CERS4: variants seen among roughly 807,000 people sequenced by gnomAD.
The protein encoded by CERS4 is ceramide synthase 4.
CERS4 carries 65 observed loss-of-function variants against 51.8 expected under a neutral mutation model. The observed-to-expected ratio is 1.26, with a 90% CI of 1.03 to 1.54. CERS4 has a LOEUF of 1.54. Ranked by LOEUF, CERS4 falls within the 40% of genes most tolerant of loss-of-function variation. CERS4 has a pLI of 0.00. For synonymous variants in CERS4, 228 were observed against 208.4 expected (o/e 1.09, Z -0.81); for missense variants, 563 against 500.4 (o/e 1.13, Z -1.19).
chr19:8,232,464 G>C (rs1489025274), intron 2 of CERS4, among the ~76,000 whole-genome samples: 2 of 151,634 alleles, frequency 1.3e-5, no homozygotes, highest in African/African-American at 2.4e-5. Context: ...CAATTTTTTT[G>C]TATTTTTAGT....
chr19:8,258,425 C>G (rs36251), intron 10 of CERS4, among the ~76,000 whole-genome samples: 91,948 of 152,042 alleles, frequency 0.6, 29,053 homozygotes, highest in African/African-American at 0.77. Flanking sequence ...ATAAATTTGA[C>G]GGGCCGGGCG....
intron 2 of CERS4, chr19:8,250,850 G>A (rs967658476): frequency 1.5e-6 from 2 of 1,336,302 alleles, no homozygotes; most frequent in Admixed American, 3.6e-5. Flanking sequence ...CACTGACCAG[G>A]CAATGGAGTG....
chr19:8,237,070 C>A (rs1192386215), intron 2 of CERS4, among the ~76,000 whole-genome samples: 1 of 148,062 alleles, frequency 6.8e-6, no homozygotes, highest in African/African-American at 2.5e-5. Context: ...TCTTAGCTTG[C>A]AAGTCACCTT....
At chr19:8,251,629 T>C (rs2145295341) in intron 3 of CERS4, among the ~76,000 whole-genome samples, 1 of 152,084 alleles carries the variant, frequency 6.6e-6, no homozygotes, top group Non-Finnish European at 1.5e-5. Flanking sequence ...CTGGCCAACA[T>C]GGTGAAACCC....
chr19:8,212,456 C>T (rs757471115), intron 2 of CERS4, among the ~76,000 whole-genome samples: 34 of 151,884 alleles, frequency 2.2e-4, no homozygotes, highest in Admixed American at 8.5e-4. Context: ...CCAGGTGGTA[C>T]GGCGTAGGAT....
chr19:8,252,044 T>C (rs1449140085), intron 3 of CERS4, among the ~76,000 whole-genome samples: 1 of 146,036 alleles, frequency 6.8e-6, no homozygotes, highest in Non-Finnish European at 1.5e-5. Context: ...CTGCGCAACA[T>C]GGTGAAACCT....
intron 2 of CERS4, among the ~76,000 whole-genome samples, chr19:8,233,166 C>G (rs564673275): frequency 8.6e-5 from 13 of 151,660 alleles, no homozygotes; most frequent in Admixed American, 7.3e-4. Flanking sequence ...CCACCACACT[C>G]GGCTAATTTT....
At position 8,210,086 on chromosome 19, in the gene CERS4, G is replaced by C. The variant is rs558402109; in HGVS notation, c.-159+592G>C. On this transcript the variant is annotated intron_variant, in intron 1 of 11. Coordinates refer to ENST00000251363, the MANE Select transcript of CERS4 (RefSeq NM_024552.3). This position sits in a 1 kb window ranked among gnomAD's most constrained non-coding sequence, Gnocchi z 4.2. ...GCCAGCCTGGCTGAAACGCGGAGAGGGAGGGTCTGAGGTGGAGAGAGGTTG... is the reference window on the plus strand; with the variant it reads ...GCCAGCCTGGCTGAAACGCGGAGAGCGAGGGTCTGAGGTGGAGAGAGGTTG... 1 of 153,092 alleles carries C rather than the reference G, an allele frequency of 6.5e-6. No individual in the cohort carries two copies. Among genetic ancestry groups the C allele is most frequent in the East Asian group, 1.9e-4 (1 of 5,194 alleles). The allele number at this position is 153,092 out of a possible 1,614,324, so 9.5% of individuals were successfully genotyped here. A position where few individuals can be genotyped will look rare whatever the true frequency, so the allele number is the denominator to read the frequency against.
Position 8,256,631 on chromosome 19 carries a change from C to G in CERS4, c.533C>G (p.Ser178Cys). 1 of 1,612,984 alleles carries G rather than the reference C, an allele frequency of 6.2e-7. No homozygotes were observed. Among genetic ancestry groups the G allele is most frequent in the Non-Finnish European group, 8.5e-7 (1 of 1,179,528 alleles). ...GTCCTGCTGCAGACTCTGAAGCCAT[C>G]CCTGTACTGGTGGTACCTCTTGGAG... ...DRYPNQTLKPSLYWWYLLELG... is the reference protein window; with the variant it reads ...DRYPNQTLKPCLYWWYLLELG... Residue 178 changes from serine to cysteine, a missense_variant, in exon 8 of 12, where the codon TCC becomes TGC. By Grantham distance (112) the Ser-to-Cys change is moderately radical. Coordinates refer to ENST00000251363, the MANE Select transcript of CERS4 (RefSeq NM_024552.3).
chr19:8,236,315 A>G (rs1187157337), intron 2 of CERS4, among the ~76,000 whole-genome samples: 2 of 152,186 alleles, frequency 1.3e-5, no homozygotes, highest in Non-Finnish European at 2.9e-5. Context: ...CTAACATGAC[A>G]TATGCGTTAG....
At position 8,255,602 on chromosome 19, in the gene CERS4, C is replaced by T. The variant is rs769796525; in HGVS notation, c.292-5C>T. 1.2e-6 allele frequency: 2 copies of T among 1,609,028 alleles called. No individual in the cohort carries two copies. The highest frequency in any genetic ancestry group is 1.7e-6 in the Non-Finnish European group (2 of 1,178,366). ...TGACCCTTGTCCTCATCACCCCCTC[C>T]CCAGCCCCAGCTGTCTCTCCTGGCC... is the stretch of plus-strand genomic sequence containing the variant. On this transcript the variant is annotated splice_region_variant and splice_polypyrimidine_tract_variant and intron_variant, in intron 4 of 11. Coordinates refer to ENST00000251363, the MANE Select transcript of CERS4 (RefSeq NM_024552.3).
chr19:8,254,623 GC>G lies in CERS4; in HGVS notation c.291+13del. The G allele has an allele frequency of 1.3e-6, 2 of 1,598,376 alleles. No individual in the cohort carries two copies. Among genetic ancestry groups the G allele is most frequent in the Non-Finnish European group, 8.5e-7 (1 of 1,172,728 alleles). On this transcript the variant is annotated splice_region_variant and intron_variant, in intron 4 of 11. Coordinates refer to ENST00000251363, the MANE Select transcript of CERS4 (RefSeq NM_024552.3). The stretch of plus-strand genomic sequence containing the variant: ...AGGGCACAGGCCCAAGGAGGTGAGA[GC>G]CCCCCATGCCCTCCGACCCGCACTA...
At chr19:8,239,392 TCC>T (rs1968420521) in intron 2 of CERS4, 2 of 102,832 alleles carry the variant, frequency 1.9e-5, no homozygotes, top group Admixed American at 1.1e-4. Context: ...AGAGCAAAAC[TCC>T]GTCTCAAAAA....
rs116887167 is a variant in CERS4, at chr19:8,217,185, C to T, written c.-2+6323C>T. On this transcript the variant is annotated intron_variant, in intron 2 of 11. Coordinates refer to ENST00000251363, the MANE Select transcript of CERS4 (RefSeq NM_024552.3). The stretch of plus-strand genomic sequence containing the variant: ...GGCAGTCAGGACCCCTCTGAAAAGG[C>T]GACATTAGGGCTGGGGCCTGAGTGG... Among the ~76,000 whole-genome samples the T allele has an allele frequency of 7.2e-3, 1,098 of 152,078 alleles. 6 individuals are homozygous for T. Among genetic ancestry groups the T allele is most frequent in the Non-Finnish European group, 0.012 (788 of 67,998 alleles).
intron 2 of CERS4, among the ~76,000 whole-genome samples, chr19:8,211,182 G>A (rs113734046): frequency 0.035 from 5,252 of 152,214 alleles, 277 homozygotes; most frequent in African/African-American, 0.12. Context: ...TGAATAAAGC[G>A]GTTGACCCAG....
chr19:8,245,138 C>A, intron 2 of CERS4, among the ~76,000 whole-genome samples: 1 of 131,086 alleles, frequency 7.6e-6, no homozygotes, highest in African/African-American at 3.8e-5. Context: ...AAAAAAAACA[C>A]TCTTGGCTTC....
chr19:8,251,313 G>A (rs1421350923), intron 3 of CERS4, 64 bp downstream of exon 3: 3 of 1,474,114 alleles, frequency 2.0e-6, no homozygotes, highest in African/African-American at 2.9e-5. Flanking sequence ...CTCGTGCCCT[G>A]TGTGCAATTT....
chr19:8,261,999 C>A lies in CERS4; in HGVS notation c.1075C>A (p.Pro359Thr). 1.9e-6 allele frequency: 3 copies of A among 1,594,694 alleles called. No individual in the cohort carries two copies. Among genetic ancestry groups the A allele is most frequent in the Non-Finnish European group, 2.6e-6 (3 of 1,171,448 alleles). The change falls in exon 12 of 12, where the codon CCT becomes ACT. Residue 359 changes from proline (P) to threonine (T), a missense_variant. By Grantham distance (38) the Pro-to-Thr change is conservative. Transcript: ENST00000251363. ...SSEEAAAAQE[P>T]LQLKNGAAGG... ...TGAGGAGGCGGCGGCGGCCCAGGAACCTCTGCAGCTAAAGAACGGGGCAGC... is the reference window on the plus strand; with the variant it reads ...TGAGGAGGCGGCGGCGGCCCAGGAAACTCTGCAGCTAAAGAACGGGGCAGC...
chr19:8,246,476 C>T (rs34990002), intron 2 of CERS4, among the ~76,000 whole-genome samples: 6,373 of 151,728 alleles, frequency 0.042, 213 homozygotes, highest in Admixed American at 0.065. Context: ...AAAGACCACC[C>T]GAGCCCGGGA....
Sources: gnomAD v4.1 joint callset for allele counts (sites outside exome capture counted in the v4.1 genomes callset) on GRCh38, gnomAD v4.1.1 for gene constraint, Gnocchi (gnomAD v3.1) non-coding constraint, MANE v1.5 for transcripts, NCBI Gene and HGNC (gene_info 2026-07-23, HGNC 2026-07-21) for gene names.